The following MTUS2 variants were observed in gnomAD, a reference collection of about 807,000 sequenced individuals.
The protein encoded by MTUS2 is microtubule-associated tumor suppressor candidate 2.
A neutral mutation model predicts 114.1 loss-of-function variants in MTUS2; 40 were observed. The ratio of observed to expected loss-of-function variants is 0.35; its 90% CI spans 0.27 to 0.46. The LOEUF is 0.46. Among genes scored for constraint, MTUS2 ranks in the 20% least tolerant of loss-of-function variants. The probability of loss-of-function intolerance (pLI) is 1.00; values close to 1 mark genes in which losing one functional copy is unlikely to be tolerated. For synonymous variants in MTUS2, 688 were observed against 672.0 expected (o/e 1.02, Z -0.37); for missense variants, 1,679 against 1,705.4 (o/e 0.98, Z 0.27).
chr13:28,952,189 G>A (rs980956137), intron 2 of MTUS2, among the ~76,000 whole-genome samples: 1 of 152,080 alleles, frequency 6.6e-6, no homozygotes, highest in African/African-American at 2.4e-5. Context: ...AAGCAGCTTG[G>A]TACAAAGATA....
chr13:29,503,258 C>A lies in MTUS2; in HGVS notation c.*52C>A. On this transcript the variant is annotated 3_prime_UTR_variant, in exon 16 of 16. Coordinates refer to ENST00000612955, the MANE Select transcript of MTUS2 (RefSeq NM_001033602.4). ...CGGCTTCTCGTCCTCCGGTCTCCAC[C>A]CTGAGGGAGCACCGACCCGGTGCCG... The A allele has an allele frequency of 6.3e-7, 1 of 1,596,488 alleles. No homozygotes were observed. The highest frequency in any genetic ancestry group is 1.1e-5 in the South Asian group (1 of 90,520).
chr13:28,938,426 A>G (rs1882042281), intron 2 of MTUS2, among the ~76,000 whole-genome samples: 1 of 152,138 alleles, frequency 6.6e-6, no homozygotes, highest in African/African-American at 2.4e-5. Flanking sequence ...AATTTGCTAA[A>G]AAAGAATATA....
At chr13:28,878,585 T>G (rs1269289564) in intron 2 of MTUS2, among the ~76,000 whole-genome samples, 1 of 152,210 alleles carries the variant, frequency 6.6e-6, no homozygotes, top group Non-Finnish European at 1.5e-5. Flanking sequence ...ACATGTGGTG[T>G]TTGGTTTTCT....
intron 8 of MTUS2, among the ~76,000 whole-genome samples, chr13:29,399,828 G>A (rs1351260152): frequency 6.6e-6 from 1 of 152,132 alleles, no homozygotes; most frequent in Non-Finnish European, 1.5e-5. Context: ...GAAAATTAAA[G>A]CCATAAACAA....
At chr13:28,906,476 A>G (rs1227920014) in intron 2 of MTUS2, among the ~76,000 whole-genome samples, 1 of 151,320 alleles carries the variant, frequency 6.6e-6, no homozygotes, top group African/African-American at 2.4e-5. Context: ...GTTAGTTTCA[A>G]AGAACATCTT....
intron 5 of MTUS2, among the ~76,000 whole-genome samples, chr13:29,238,853 C>T (rs929515589): frequency 1.3e-5 from 2 of 152,134 alleles, no homozygotes; most frequent in Non-Finnish European, 2.9e-5. Context: ...ATAAGCCAGA[C>T]ACATGTGACA....
intron 9 of MTUS2, among the ~76,000 whole-genome samples, chr13:29,442,175 G>T (rs575864120): frequency 6.6e-6 from 1 of 152,156 alleles, no homozygotes; most frequent in African/African-American, 2.4e-5. Flanking sequence ...TGACACTGTG[G>T]GGGCAGCTCA....
At chr13:29,139,810 G>T (rs1180876531) in intron 5 of MTUS2, among the ~76,000 whole-genome samples, 1 of 152,104 alleles carries the variant, frequency 6.6e-6, no homozygotes, top group Non-Finnish European at 1.5e-5. Flanking sequence ...CGTGCTCTTA[G>T]ACTTATGGTT....
At chr13:29,055,855 C>G (rs1157323404) in intron 4 of MTUS2, among the ~76,000 whole-genome samples, 1 of 151,260 alleles carries the variant, frequency 6.6e-6, no homozygotes, top group Non-Finnish European at 1.5e-5. Flanking sequence ...TGTATGTCTT[C>G]TTTTGAAAAG....
In MTUS2 at chr13:29,319,310, G is replaced by C. The variant is rs1388288746; in HGVS notation, c.2807-5303G>C. On this transcript the variant is annotated intron_variant, in intron 6 of 15. Coordinates refer to ENST00000612955, the MANE Select transcript of MTUS2 (RefSeq NM_001033602.4). ...GAGGTTCCGGAGGTCATGGTGACGT[G>C]AGGCACGACTGTCCCCCAGGGGGGA... Among the ~76,000 whole-genome samples, 4 of 152,204 alleles carry C rather than the reference G, an allele frequency of 2.6e-5. No individual in the cohort carries two copies. In the East Asian group the frequency reaches 7.7e-4, roughly 29 times the overall value.
At chr13:28,930,749 A>AT (rs1881572146) in intron 2 of MTUS2, among the ~76,000 whole-genome samples, 1 of 152,080 alleles carries the variant, frequency 6.6e-6, no homozygotes, top group African/African-American at 2.4e-5. Flanking sequence ...AATTTGGAAC[A>AT]TTTTTTCTTG....
chr13:28,857,167 A>G lies in MTUS2; in HGVS notation c.-243+17317A>G, dbSNP rs576068554. Among the ~76,000 whole-genome samples, 173 of 152,364 alleles carry G rather than the reference A, an allele frequency of 1.1e-3. 1 individual carries two copies. The highest frequency in any genetic ancestry group is 3.5e-3 in the African/African-American group (144 of 41,586). ...GCTATTAATACTGTTTCAAAGAGCC[A>G]TCTCGAGTATAGAATGGGTGGCTTC... On this transcript the variant is annotated intron_variant, in intron 2 of 15. Coordinates refer to ENST00000612955, the MANE Select transcript of MTUS2 (RefSeq NM_001033602.4).
intron 2 of MTUS2, among the ~76,000 whole-genome samples, chr13:28,901,968 T>C (rs995960881): frequency 6.6e-6 from 1 of 152,214 alleles, no homozygotes; most frequent in Non-Finnish European, 1.5e-5. Flanking sequence ...GAATCTTCTA[T>C]GAAAACAATA....
chr13:28,992,153 C>T (rs1339923630), intron 2 of MTUS2, among the ~76,000 whole-genome samples: 1 of 152,180 alleles, frequency 6.6e-6, no homozygotes. Context: ...TTTTTTTCCC[C>T]TCCATGGGCT....
At chr13:29,380,304 G>A (rs542072023) in intron 8 of MTUS2, among the ~76,000 whole-genome samples, 1 of 152,232 alleles carries the variant, frequency 6.6e-6, no homozygotes, top group Non-Finnish European at 1.5e-5. Context: ...AGACAGCCGT[G>A]AATCTCAGTG....
intron 8 of MTUS2, among the ~76,000 whole-genome samples, chr13:29,389,454 CGTG>C (rs1187161405): frequency 3.2e-5 from 3 of 94,514 alleles, no homozygotes; most frequent in Non-Finnish European, 6.9e-5. Context: ...TATGTATACA[CGTG>C]TGTGTATGTG....
At chr13:28,917,135 T>C (rs1056132634) in intron 2 of MTUS2, among the ~76,000 whole-genome samples, 8 of 152,026 alleles carry the variant, frequency 5.3e-5, no homozygotes, top group Admixed American at 2.0e-4. Context: ...GATGATGATC[T>C]TTTTAATGTA....
chr13:29,174,145 A>G (rs544373666), intron 5 of MTUS2, among the ~76,000 whole-genome samples: 1 of 152,288 alleles, frequency 6.6e-6, no homozygotes, highest in Admixed American at 6.5e-5. Flanking sequence ...TTTATTGGAA[A>G]GTGTGCTTCA....
chr13:28,854,359 T>G (rs1162676478), intron 2 of MTUS2, among the ~76,000 whole-genome samples: 4 of 152,232 alleles, frequency 2.6e-5, no homozygotes, highest in Non-Finnish European at 5.9e-5. Flanking sequence ...CTTACAAACT[T>G]GGCCTTGGGC....
Sources: allele counts gnomAD v4.1 joint callset (sites outside exome capture counted in the v4.1 genomes callset), GRCh38; gene constraint gnomAD v4.1.1; transcripts MANE v1.5; gene names NCBI Gene and HGNC (gene_info 2026-07-23, HGNC 2026-07-21).